The following TBX19 variants were observed in gnomAD, a reference collection of about 807,000 sequenced individuals.
TBX19 encodes T-box transcription factor 19, also known as T-box transcription factor TBX19.
Under a neutral mutation model 40.9 loss-of-function variants are expected in TBX19, and 33 were observed. The observed-to-expected ratio is 0.81, with a 90% CI of 0.61 to 1.08. TBX19 has a LOEUF of 1.08. Among genes scored for constraint, TBX19 ranks in the 50% least tolerant of loss-of-function variants. TBX19 has a pLI of 0.00. For missense variants in TBX19, 494 were observed against 574.0 expected, an observed-to-expected ratio of 0.86 and a Z score of 1.42; for synonymous variants, 220 against 225.0, an observed-to-expected ratio of 0.98 and a Z score of 0.20.
intron 1 of TBX19, among the ~76,000 whole-genome samples, chr1:168,288,990 T>C (rs1572474010): frequency 6.6e-6 from 1 of 152,304 alleles, no homozygotes; most frequent in South Asian, 2.1e-4. Flanking sequence ...TAAACTCCTT[T>C]GGTACTTTTT....
rs1473348969 is a variant in TBX19, at chr1:168,312,969, T to G, written c.1314T>G (p.Gly438=). The change falls in exon 8 of 8, where the codon GGT becomes GGG. Residue 438 remains glycine, a synonymous_variant. Coordinates refer to ENST00000367821, the MANE Select transcript of TBX19 (RefSeq NM_005149.3). ...CGGGCTGGGGTGGCCCAGGAGCGGG[T>G]GGGCACCATTCTCCTTCCTCACTGG... ...PFAGWGGPGA[G]GHHSPSSLDG is the part of the protein sequence containing the mutation. 6.2e-7 allele frequency: 1 copy of G among 1,614,002 alleles called. No homozygotes were observed. The highest frequency in any genetic ancestry group is 1.3e-5 in the African/African-American group (1 of 74,898).
intron 3 of TBX19, 157 bp from the exon 4 acceptor site, chr1:168,297,567 C>T (rs1246333123): frequency 1.4e-6 from 1 of 725,034 alleles, no homozygotes. Context: ...GGGCCTCTGC[C>T]TCTCAGAGTG....
Position 168,280,965 on chromosome 1 carries a change from A to G in TBX19, c.-126A>G. Reference sequence around the variant, plus strand: ...CATCCTAGGAGCTTAGGCAAGAGCCAGGGTATCTTCTCTCCGCTCCCCAAG... The same window carrying G: ...CATCCTAGGAGCTTAGGCAAGAGCCGGGGTATCTTCTCTCCGCTCCCCAAG... On this transcript the variant is annotated 5_prime_UTR_variant, in exon 1 of 8. Transcript: ENST00000367821. 1.1e-6 allele frequency: 1 copy of G among 873,376 alleles called. No homozygotes were observed. Among genetic ancestry groups the G allele is most frequent in the Non-Finnish European group, 1.9e-6 (1 of 537,464 alleles). The allele number at this position is 873,376 out of a possible 1,614,324, so 54.1% of individuals were successfully genotyped here.
At chr1:168,283,809 T>C (rs1457074189) in intron 1 of TBX19, among the ~76,000 whole-genome samples, 1 of 152,204 alleles carries the variant, frequency 6.6e-6, no homozygotes, top group African/African-American at 2.4e-5. Context: ...CATTGTCACC[T>C]TGACTTTTTA....
chr1:168,301,337 A>G (rs1292365019), intron 5 of TBX19, among the ~76,000 whole-genome samples: 1 of 151,742 alleles, frequency 6.6e-6, no homozygotes, highest in East Asian at 1.9e-4. Context: ...GTCTTGGCTC[A>G]CTGCAACCTC....
chr1:168,299,690 T>G (rs934349479), intron 4 of TBX19, among the ~76,000 whole-genome samples: 2 of 152,092 alleles, frequency 1.3e-5, no homozygotes, highest in Non-Finnish European at 2.9e-5. Context: ...GCCCAGACAG[T>G]CTCAAACTCC....
At position 168,297,820 on chromosome 1, in the gene TBX19, AATGATTT is replaced by A. The variant is rs1649151164; in HGVS notation, c.665+39_665+45del. On this transcript the variant is annotated intron_variant, in intron 4 of 7. Transcript: ENST00000367821. ...GAAATTTTAGTGAAATCTTCTAATG[AATGATTT>A]ATGCAAATACAAATGTGGAATTTAT... 2 of 1,526,950 alleles carry A rather than the reference AATGATTT, an allele frequency of 1.3e-6. 1 individual carries two copies. The highest frequency in any genetic ancestry group is 1.8e-6 in the Non-Finnish European group (2 of 1,103,420). The allele number at this position is 1,526,950 out of a possible 1,614,324, so 94.6% of individuals were successfully genotyped here.
intron 5 of TBX19, 100 bp from the exon 6 acceptor site, chr1:168,304,908 C>A: frequency 8.2e-7 from 1 of 1,221,942 alleles, no homozygotes; most frequent in Non-Finnish European, 1.2e-6. Context: ...GCATCAGTGT[C>A]ATTTACAAGA....
rs1406261316 is a variant in TBX19 at position 168,312,914 on chromosome 1, C to T, written c.1259C>T (p.Thr420Ile). 1 of 1,614,262 alleles carries T rather than the reference C, an allele frequency of 6.2e-7. No individual in the cohort carries two copies. The highest frequency in any genetic ancestry group is 8.5e-7 in the Non-Finnish European group (1 of 1,180,052). ...EPSLTSIAVS[T>I]WTAVASHPFA... ...TCGCTAACCAGCATTGCTGTGTCCACCTGGACAGCAGTGGCCTCGCATCCC... is the reference window on the plus strand; with the variant it reads ...TCGCTAACCAGCATTGCTGTGTCCATCTGGACAGCAGTGGCCTCGCATCCC... Residue 420 changes from threonine (T) to isoleucine (I), a missense_variant, in exon 8 of 8, where the codon ACC (threonine) becomes ATC (isoleucine). By Grantham distance (89) the Thr-to-Ile change is moderately conservative (BLOSUM62 -1). Coordinates refer to ENST00000367821, the MANE Select transcript of TBX19 (RefSeq NM_005149.3).
In TBX19 at chr1:168,293,509, C is replaced by T. The variant is rs115779129; in HGVS notation, c.603+231C>T. On this transcript the variant is annotated intron_variant, in intron 3 of 7. Coordinates refer to ENST00000367821, the MANE Select transcript of TBX19 (RefSeq NM_005149.3). ...ATGTGCTCTCCTGGTGCCAACAAGA[C>T]ACAGCTGTGCATTGTCATGAAACTC... 4.7e-3 allele frequency among the ~76,000 whole-genome samples: 718 copies of T among 152,262 alleles called. 6 individuals carry two copies. The highest frequency in any genetic ancestry group is 0.016 in the African/African-American group (680 of 41,546).
At chr1:168,312,039 GCT>G (rs1197252639) in intron 7 of TBX19, among the ~76,000 whole-genome samples, 1 of 152,198 alleles carries the variant, frequency 6.6e-6, no homozygotes, top group Non-Finnish European at 1.5e-5. Context: ...AAATGTTGTA[GCT>G]CCCAGCCTTT....
intron 2 of TBX19, 92 bp downstream of exon 2, chr1:168,291,516 G>GTGTT: frequency 6.4e-7 from 1 of 1,572,290 alleles, no homozygotes; most frequent in Non-Finnish European, 8.7e-7. Context: ...GCAATTAGAG[G>GTGTT]TGTCCTCACC....
intron 5 of TBX19, among the ~76,000 whole-genome samples, chr1:168,302,892 C>T (rs1558193863): frequency 6.6e-6 from 1 of 152,144 alleles, no homozygotes; most frequent in Non-Finnish European, 1.5e-5. Context: ...ATTAATCATT[C>T]CCTACCTTCC....
chr1:168,282,091 A>T (rs1227054026), intron 1 of TBX19, among the ~76,000 whole-genome samples: 3 of 152,188 alleles, frequency 2.0e-5, no homozygotes, highest in African/African-American at 4.8e-5. Context: ...AGCTTGGCCA[A>T]ACTGGCTCCA....
chr1:168,283,320 C>A (rs189118010), intron 1 of TBX19, among the ~76,000 whole-genome samples: 146 of 152,252 alleles, frequency 9.6e-4, no homozygotes, highest in African/African-American at 3.5e-3. Context: ...TAGATGAAAT[C>A]TTTTTCTTAA....
chr1:168,294,476 G>A (rs1430301935), intron 3 of TBX19, among the ~76,000 whole-genome samples: 1 of 151,756 alleles, frequency 6.6e-6, no homozygotes, highest in African/African-American at 2.4e-5. Context: ...TAGGATTACA[G>A]GCACCTGCCA....
chr1:168,281,374 G>A (rs572721566), intron 1 of TBX19, 81 bp downstream of exon 1: 18 of 1,321,712 alleles, frequency 1.4e-5, no homozygotes, highest in African/African-American at 1.2e-4. Flanking sequence ...AGAGGCTGCC[G>A]CTCTTCACTC....
Position 168,312,715 on chromosome 1 carries a change from C to T in TBX19, c.1060C>T (p.Pro354Ser), listed in dbSNP as rs554024176. The T allele has an allele frequency of 5.0e-5, 80 of 1,612,808 alleles. No individual in the cohort carries two copies. In the South Asian group the frequency reaches 8.2e-4, roughly 17 times the overall value. The stretch of plus-strand genomic sequence containing the variant: ...CTTTCTCTGTCTCTGCAGCCCCTAC[C>T]CGTGCCTGTGGACCATCAGCAATGG... ...GPINPGPSPYPCLWTISNGAG... is the reference protein window; with the variant it reads ...GPINPGPSPYSCLWTISNGAG... Residue 354 changes from proline to serine, a missense_variant, in exon 8 of 8, where the codon CCG becomes TCG. By Grantham distance (74) the Pro-to-Ser change is moderately conservative. Transcript: ENST00000367821.
At chr1:168,289,006 T>C (rs760876845) in intron 1 of TBX19, among the ~76,000 whole-genome samples, 5 of 152,178 alleles carry the variant, frequency 3.3e-5, no homozygotes, top group Non-Finnish European at 5.9e-5. Flanking sequence ...TTTTTAACTT[T>C]AGTATGCAAA....
Sources: gnomAD v4.1 joint callset for allele counts (sites outside exome capture counted in the v4.1 genomes callset) on GRCh38, gnomAD v4.1.1 for gene constraint, MANE v1.5 for transcripts, NCBI Gene and HGNC (gene_info 2026-07-23, HGNC 2026-07-21) for gene names.